Variants in SCN10A observed in about 807,000 individuals in gnomAD.
The protein encoded by SCN10A is sodium voltage-gated channel alpha subunit 10.
A neutral mutation model predicts 170.7 loss-of-function variants in SCN10A; 162 were observed. The ratio of observed to expected loss-of-function variants is 0.95; its 90% CI spans 0.84 to 1.08. The LOEUF (loss-of-function observed/expected upper bound fraction) is 1.08. Ranked by LOEUF, SCN10A falls within the 50% of genes least tolerant of loss-of-function variation. The pLI is 0.00. For missense variants in SCN10A, 2,527 were observed against 2,436.9 expected (o/e 1.04, Z -0.78); for synonymous variants, 985 against 904.6 (o/e 1.09, Z -1.59).
intron 1 of SCN10A, among the ~76,000 whole-genome samples, chr3:38,797,854 C>T (rs1199973440): frequency 6.6e-6 from 1 of 152,202 alleles, no homozygotes; most frequent in Admixed American, 6.5e-5. Flanking sequence ...ATGAGACTGA[C>T]TTCATGCCAA....
chr3:38,738,892 G>C (rs965502417), intron 15 of SCN10A, among the ~76,000 whole-genome samples: 18 of 152,232 alleles, frequency 1.2e-4, no homozygotes, highest in African/African-American at 4.1e-4. Context: ...ATGTGAGTGA[G>C]ACTAATAGGC....
intron 13 of SCN10A, among the ~76,000 whole-genome samples, chr3:38,748,702 C>T (rs768805863): frequency 2.0e-5 from 3 of 152,142 alleles, no homozygotes; most frequent in Admixed American, 6.5e-5. Context: ...CATCACCCAG[C>T]TCCTCTCTGC....
intron 14 of SCN10A, 130 bp from the exon 15 acceptor site, chr3:38,739,818 C>G (rs952704978): frequency 1.4e-6 from 1 of 724,430 alleles, no homozygotes; most frequent in Non-Finnish European, 2.3e-6. Flanking sequence ...GCTATGTTAT[C>G]TGTGGGCTCC....
chr3:38,782,173 C>A lies in SCN10A; in HGVS notation c.470+6783G>T, dbSNP rs199517448. On this transcript the variant is annotated intron_variant, in intron 4 of 27. Transcript: ENST00000449082. The stretch of plus-strand genomic sequence containing the variant: ...CTTTATTTGTCAACTTTAAATAATA[C>A]TCTTTAACTTCTTGTTATTATAGAA... Among the ~76,000 whole-genome samples the A allele has an allele frequency of 2.6e-5, 4 of 151,976 alleles. No individual in the cohort carries two copies. The East Asian group carries it at 7.7e-4, about 29-fold the overall frequency.
chr3:38,756,921 C>A (rs908963684), intron 9 of SCN10A, 50 bp from the exon 10 acceptor site: 1 of 1,608,124 alleles, frequency 6.2e-7, no homozygotes, highest in East Asian at 2.2e-5. Context: ...GCACATGGAC[C>A]CCTGAATTTA....
intron 26 of SCN10A, among the ~76,000 whole-genome samples, chr3:38,702,886 C>A (rs984989620): frequency 2.6e-5 from 4 of 152,134 alleles, no homozygotes; most frequent in African/African-American, 7.2e-5. Flanking sequence ...CTACTGTGAT[C>A]TTCTCTTCTT....
intron 4 of SCN10A, among the ~76,000 whole-genome samples, chr3:38,780,309 T>C (rs570305967): frequency 2.0e-5 from 3 of 152,210 alleles, no homozygotes; most frequent in Admixed American, 1.3e-4. Flanking sequence ...CTTTCTTTGT[T>C]TGCCTTTGCT....
At chr3:38,751,518 A>G (rs1393315275) in intron 12 of SCN10A, among the ~76,000 whole-genome samples, 1 of 152,194 alleles carries the variant, frequency 6.6e-6, no homozygotes, top group African/African-American at 2.4e-5. Flanking sequence ...TGGTCTCTTT[A>G]CAATTCTGTC....
intron 15 of SCN10A, among the ~76,000 whole-genome samples, chr3:38,735,094 C>T (rs1336509454): frequency 4.1e-5 from 6 of 146,430 alleles, no homozygotes; most frequent in South Asian, 2.2e-4. Flanking sequence ...GGCGTGAACC[C>T]GGGAGGTGGA....
intron 15 of SCN10A, among the ~76,000 whole-genome samples, chr3:38,732,013 A>G (rs757302657): frequency 1.3e-5 from 2 of 152,240 alleles, no homozygotes; most frequent in Non-Finnish European, 2.9e-5. Context: ...ATTGGCTTCT[A>G]GAGCATTGGG....
intron 1 of SCN10A, among the ~76,000 whole-genome samples, chr3:38,796,686 T>G (rs1181240062): frequency 2.0e-5 from 3 of 152,194 alleles, no homozygotes; most frequent in Admixed American, 2.0e-4. Context: ...TTATTTTGTC[T>G]GGCTAATCCT....
intron 13 of SCN10A, among the ~76,000 whole-genome samples, chr3:38,746,250 C>T (rs2063689698): frequency 1.3e-5 from 2 of 151,370 alleles, no homozygotes; most frequent in African/African-American, 2.4e-5. Context: ...ATTAAAGCCC[C>T]CTTCTTCCCC....
At chr3:38,801,284 C>T (rs900111705) in intron 1 of SCN10A, among the ~76,000 whole-genome samples, 2 of 152,166 alleles carry the variant, frequency 1.3e-5, no homozygotes, top group African/African-American at 4.8e-5. Flanking sequence ...AACAACAGCA[C>T]CTCATTATGT....
In SCN10A at chr3:38,726,687, A is replaced by C; in HGVS notation, c.3006T>G (p.Gly1002=). 1 of 1,611,846 alleles carries C rather than the reference A, an allele frequency of 6.2e-7. No individual in the cohort carries two copies. The highest frequency in any genetic ancestry group is 8.5e-7 in the Non-Finnish European group (1 of 1,178,448). Residue 1002 remains glycine (G), a synonymous_variant, in exon 17 of 28, where the codon GGT becomes GGG. Coordinates refer to ENST00000449082, the MANE Select transcript of SCN10A (RefSeq NM_006514.4). ...CCTCCAAGTCATCAAGATCAGATTC[A>C]CCCTCAGCAATGGGCACAGAGACCC... The part of the protein sequence containing the change: ...TVWVSVPIAE[G]ESDLDDLEDD...
chr3:38,760,661 G>A lies in SCN10A; in HGVS notation c.950+20C>T. 1 of 1,603,416 alleles carries A rather than the reference G, an allele frequency of 6.2e-7. No individual in the cohort carries two copies. The highest frequency in any genetic ancestry group is 1.1e-5 in the South Asian group (1 of 90,822). The stretch of plus-strand genomic sequence containing the variant: ...AGGAATTGTTGGGCACTCGTGCTTT[G>A]TCATAAGTTGGGAACTCACCCTGAG... On this transcript the variant is annotated intron_variant, in intron 8 of 27. Coordinates refer to ENST00000449082, the MANE Select transcript of SCN10A (RefSeq NM_006514.4).
chr3:38,792,142 C>G lies in SCN10A; in HGVS notation c.297G>C (p.Arg99Ser). 6.2e-7 allele frequency: 1 copy of G among 1,613,770 alleles called. No individual in the cohort carries two copies. ...GAGTGGCACTAAACCGGGAAATGGTCCTCCCTTTGTTCAGCACCATAAATG... is the reference window on the plus strand; with the variant it reads ...GAGTGGCACTAAACCGGGAAATGGTGCTCCCTTTGTTCAGCACCATAAATG... Reference protein sequence around the residue: ...HRTFMVLNKGRTISRFSATRA... With the variant: ...HRTFMVLNKGSTISRFSATRA... Residue 99 changes from arginine to serine, a missense_variant, in exon 3 of 28, where the codon AGG becomes AGC. Physicochemically the swap from Arg to Ser is moderately radical, Grantham distance 110. Coordinates refer to ENST00000449082, the MANE Select transcript of SCN10A (RefSeq NM_006514.4).
intron 5 of SCN10A, among the ~76,000 whole-genome samples, chr3:38,767,952 TA>T (rs2063951993): frequency 6.6e-6 from 1 of 152,130 alleles, no homozygotes; most frequent in African/African-American, 2.4e-5. Context: ...AGGATTATGA[TA>T]TTTTTCCATT....
At chr3:38,790,412 T>C (rs747250221) in intron 3 of SCN10A, among the ~76,000 whole-genome samples, 1 of 151,916 alleles carries the variant, frequency 6.6e-6, no homozygotes, top group Non-Finnish European at 1.5e-5. Context: ...AAGCAATTAT[T>C]TACTCATCAA....
intron 24 of SCN10A, among the ~76,000 whole-genome samples, 192 bp downstream of exon 24, chr3:38,710,652 G>C (rs1267345279): frequency 6.6e-6 from 1 of 151,746 alleles, no homozygotes; most frequent in South Asian, 2.1e-4. Flanking sequence ...GTAGATGAAA[G>C]GGGGAAAGCC....
Sources: allele counts gnomAD v4.1 joint callset (sites outside exome capture counted in the v4.1 genomes callset), GRCh38; gene constraint gnomAD v4.1.1; transcripts MANE v1.5; gene names NCBI Gene and HGNC (gene_info 2026-07-23, HGNC 2026-07-21).